The following CMTM6 variants were observed in gnomAD, a reference collection of about 807,000 sequenced individuals.
The protein encoded by CMTM6 is CKLF-like MARVEL transmembrane domain-containing protein 6.
Under a neutral mutation model 13.6 loss-of-function variants are expected in CMTM6, and 5 were observed. The ratio of observed to expected loss-of-function variants is 0.37; its 90% CI spans 0.19 to 0.77. The LOEUF (loss-of-function observed/expected upper bound fraction) is 0.77, where lower values mean the gene tolerates loss of function less well. Ranked by LOEUF, CMTM6 falls within the 30% of genes least tolerant of loss-of-function variation. CMTM6 has a pLI of 0.50. For missense variants in CMTM6, 196 were observed against 218.6 expected, an observed-to-expected ratio of 0.90 and a Z score of 0.65; for synonymous variants, 99 against 84.5, an observed-to-expected ratio of 1.17 and a Z score of -0.94.
At chr3:32,488,216 A>G in intron 2 of CMTM6, 180 bp from the exon 3 acceptor site, 2 of 537,264 alleles carry the variant, frequency 3.7e-6, no homozygotes, top group Non-Finnish European at 6.8e-6. Flanking sequence ...ATACCCTGTA[A>G]AAAAACAGTA....
intron 1 of CMTM6, among the ~76,000 whole-genome samples, chr3:32,499,254 TTAAATAATGAAAAGAGCATCAATATAAG>T (rs1697324826): frequency 6.6e-6 from 1 of 152,208 alleles, no homozygotes; most frequent in South Asian, 2.1e-4. Context: ...GTTTTCATAT[TTAAATAATGAAAAGAGCATCAATATAAG>T]AAATGCTTCC....
intron 2 of CMTM6, 46 bp from the exon 3 acceptor site, chr3:32,488,082 T>C: frequency 7.8e-7 from 1 of 1,289,502 alleles, no homozygotes. Context: ...ACAGTTAGAT[T>C]CATGGAAATG....
At position 32,483,855 on chromosome 3, in the gene CMTM6, A is replaced by G. The variant is rs996640917; in HGVS notation, c.*105T>C. 101 of 1,168,736 alleles carry G rather than the reference A, an allele frequency of 8.6e-5. No individual in the cohort carries two copies. Among genetic ancestry groups the G allele is most frequent in the Non-Finnish European group, 1.1e-4 (99 of 881,308 alleles). 72.4% of individuals were successfully genotyped at this position (1,168,736 alleles called of 1,614,324 possible). ...TCTTGACCTTCCCCTTGCTCTCCAA[A>G]AGAAGTGGTTTAAACAATTAACAAA... On this transcript the variant is annotated 3_prime_UTR_variant, in exon 4 of 4. Transcript: ENST00000205636.
At chr3:32,494,126 T>C (rs978700620) in intron 1 of CMTM6, among the ~76,000 whole-genome samples, 5 of 152,194 alleles carry the variant, frequency 3.3e-5, no homozygotes, top group Non-Finnish European at 7.3e-5. Context: ...AATGGCTCTC[T>C]AAAGATAGGA....
chr3:32,492,298 T>C (rs113125134), intron 1 of CMTM6, among the ~76,000 whole-genome samples: 1 of 152,102 alleles, frequency 6.6e-6, no homozygotes, highest in South Asian at 2.1e-4. Context: ...TGAGGGAGCA[T>C]GGCACCTGCC....
At position 32,483,932 on chromosome 3, in the gene CMTM6, C is replaced by T; in HGVS notation, c.*28G>A. On this transcript the variant is annotated 3_prime_UTR_variant, in exon 4 of 4. Transcript: ENST00000205636. ...AGGCACCACAATGCAGGGTCACTAC[C>T]TTAGGTAACATCTGCTCCCCAGAGT... 1 of 1,563,986 alleles carries T rather than the reference C, an allele frequency of 6.4e-7. No homozygotes were observed. The highest frequency in any genetic ancestry group is 1.2e-5 in the South Asian group (1 of 82,952).
chr3:32,487,681 C>T (rs760512794), intron 3 of CMTM6: 33 of 290,010 alleles, frequency 1.1e-4, no homozygotes, highest in Non-Finnish European at 2.0e-4. Context: ...GTCAATTTTA[C>T]CACTTCCATT....
rs1397920744 is a variant in CMTM6 at position 32,487,948 on chromosome 3, A to G, written c.404T>C (p.Ile135Thr). The G allele has an allele frequency of 1.9e-6, 3 of 1,610,990 alleles. No homozygotes were observed. The highest frequency in any genetic ancestry group is 1.1e-5 in the South Asian group (1 of 90,882). ...VSTHDRTSAE[I>T]AAIVFGFIAS... ...ATACAAGGTACTTACAATTGCAGCA[A>G]TCTCAGCTGAAGTCCTGTCATGTGT... Residue 135 changes from isoleucine to threonine, a missense_variant, in exon 3 of 4, where the codon ATT becomes ACT. Ile to Thr is a moderately conservative substitution (Grantham distance 89). Around this residue, in one of 2 missense-constraint regions of CMTM6, gnomAD observed 111 missense variants for 160.0 expected, o/e 0.69. Coordinates refer to ENST00000205636, the MANE Select transcript of CMTM6 (RefSeq NM_017801.3).
intron 1 of CMTM6, among the ~76,000 whole-genome samples, chr3:32,494,855 G>A (rs78779982): frequency 4.8e-4 from 73 of 152,296 alleles, no homozygotes; most frequent in African/African-American, 1.7e-3. Flanking sequence ...AAGAGAAAGG[G>A]GAAAGGTGTG....
intron 1 of CMTM6, 21 bp downstream of exon 1, chr3:32,502,587 C>T (rs774314029): frequency 1.3e-6 from 2 of 1,584,724 alleles, no homozygotes; most frequent in South Asian, 2.3e-5. Flanking sequence ...CCGGGCTCGC[C>T]CTCCCTGACC....
chr3:32,493,592 G>A (rs1490283812), intron 1 of CMTM6, among the ~76,000 whole-genome samples: 3 of 152,140 alleles, frequency 2.0e-5, no homozygotes, highest in Non-Finnish European at 2.9e-5. Context: ...GGAGCTGGCA[G>A]AGTGGGAGGG....
In CMTM6 at chr3:32,483,847, C is replaced by T. The variant is rs545753026; in HGVS notation, c.*113G>A. On this transcript the variant is annotated 3_prime_UTR_variant, in exon 4 of 4. Transcript: ENST00000205636. ...AACTGCCTTCTTGACCTTCCCCTTG[C>T]TCTCCAAAAGAAGTGGTTTAAACAA... 5.3e-5 allele frequency: 58 copies of T among 1,089,682 alleles called. No homozygotes were observed. In the South Asian group the frequency reaches 1.8e-3, roughly 34 times the overall value. The allele number at this position is 1,089,682 out of a possible 1,614,324, so 67.5% of individuals were successfully genotyped here.
Position 32,502,824 on chromosome 3 carries a change from G to T in CMTM6, c.-79C>A, listed in dbSNP as rs892179474. The T allele has an allele frequency of 5.2e-6, 7 of 1,353,602 alleles. No individual in the cohort carries two copies. In the South Asian group the frequency reaches 1.0e-4, roughly 19 times the overall value. 83.8% of individuals were successfully genotyped at this position (1,353,602 alleles called of 1,614,324 possible). A position where few individuals can be genotyped will look rare whatever the true frequency, so the allele number is the denominator to read the frequency against. ...GACTCCAGAAGTCCCCGGTAGCCGG[G>T]AGGCGGCCGTCACTTCCTGGGCCTT... On this transcript the variant is annotated 5_prime_UTR_variant, in exon 1 of 4. Coordinates refer to ENST00000205636, the MANE Select transcript of CMTM6 (RefSeq NM_017801.3).
intron 1 of CMTM6, among the ~76,000 whole-genome samples, chr3:32,501,997 A>G (rs546754149): frequency 3.9e-5 from 6 of 152,274 alleles, no homozygotes; most frequent in African/African-American, 1.4e-4. Flanking sequence ...CTATCCGCAC[A>G]TACTTACAAA....
intron 1 of CMTM6, among the ~76,000 whole-genome samples, chr3:32,498,777 A>C (rs1170779890): frequency 6.6e-6 from 1 of 151,610 alleles, no homozygotes; most frequent in Non-Finnish European, 1.5e-5. Context: ...ACGGGGTTTC[A>C]CCATGTTGGC....
At chr3:32,493,844 T>C (rs1448698959) in intron 1 of CMTM6, among the ~76,000 whole-genome samples, 2 of 152,138 alleles carry the variant, frequency 1.3e-5, no homozygotes, top group East Asian at 1.9e-4. Context: ...GACTGAGCTA[T>C]AAGAAGGTTG....
chr3:32,485,003 CTA>C (rs996557680), intron 3 of CMTM6, among the ~76,000 whole-genome samples: 2 of 152,012 alleles, frequency 1.3e-5, no homozygotes, highest in Non-Finnish European at 2.9e-5. Context: ...CATATCCAAT[CTA>C]AATTTAATTA....
In CMTM6 at chr3:32,497,126, G is replaced by A. The variant is rs529238438; in HGVS notation, c.139-5240C>T. ...ACACCGGGCGCGGTGGCTCACGCCTGTAATCCCAGCACTCTGGGAGGCCGA... is the reference window on the plus strand; with the variant it reads ...ACACCGGGCGCGGTGGCTCACGCCTATAATCCCAGCACTCTGGGAGGCCGA... On this transcript the variant is annotated intron_variant, in intron 1 of 3. Transcript: ENST00000205636. Among the ~76,000 whole-genome samples the A allele has an allele frequency of 1.2e-4, 18 of 152,274 alleles. 1 individual carries two copies. The highest frequency in any genetic ancestry group is 1.0e-3 in the Admixed American group (16 of 15,308).
At chr3:32,486,498 A>G (rs1326758021) in intron 3 of CMTM6, among the ~76,000 whole-genome samples, 1 of 152,200 alleles carries the variant, frequency 6.6e-6, no homozygotes, top group Admixed American at 6.5e-5. Context: ...GTACTGTCGC[A>G]GGCCCTCAAG....
Sources: gnomAD v4.1 joint callset for allele counts (sites outside exome capture counted in the v4.1 genomes callset) on GRCh38, gnomAD v4.1.1 for gene constraint, gnomAD v4.1.1 regional missense constraint, MANE v1.5 for transcripts, NCBI Gene and HGNC (gene_info 2026-07-23, HGNC 2026-07-21) for gene names.